The following POLE variants were observed in gnomAD, a reference collection of about 807,000 sequenced individuals.
The protein encoded by POLE is DNA polymerase epsilon, catalytic subunit, also known as DNA polymerase epsilon catalytic subunit A.
A neutral mutation model predicts 279.2 loss-of-function variants in POLE; 188 were observed. The observed-to-expected ratio is 0.67, with a 90% CI of 0.60 to 0.76. The LOEUF is 0.76. Ranked by LOEUF, POLE falls within the 30% of genes least tolerant of loss-of-function variation. POLE has a pLI of 0.00. For missense variants in POLE, 2,703 were observed against 3,016.7 expected (o/e 0.90, Z 2.44); for synonymous variants, 1,214 against 1,172.5 (o/e 1.04, Z -0.72).
Position 132,659,253 on chromosome 12 carries a change from T to C in POLE, c.3275+42A>G, listed in dbSNP as rs370319609. The C allele has an allele frequency of 4.1e-4, 657 of 1,585,872 alleles. No homozygotes were observed. Among genetic ancestry groups the C allele is most frequent in the Non-Finnish European group, 5.2e-4 (599 of 1,160,234 alleles). Reference sequence around the variant, plus strand: ...GGAGGGAGCCCTCACCTGTCCGTGATGGGAGGAGCCCTCACCTCTCCGTGA... The same window carrying C: ...GGAGGGAGCCCTCACCTGTCCGTGACGGGAGGAGCCCTCACCTCTCCGTGA... On this transcript the variant is annotated intron_variant, in intron 26 of 48. Coordinates refer to ENST00000320574, the MANE Select transcript of POLE (RefSeq NM_006231.4).
chr12:132,641,138 C>T (rs954817465), intron 39 of POLE: 16 of 447,678 alleles, frequency 3.6e-5, no homozygotes, highest in East Asian at 2.8e-4. Context: ...AGGCAGAATG[C>T]GAAGTGCTCG....
chr12:132,646,757 G>A (rs1265160202), intron 32 of POLE, among the ~76,000 whole-genome samples: 1 of 152,052 alleles, frequency 6.6e-6, no homozygotes, highest in East Asian at 1.9e-4. Flanking sequence ...TCTTGAACCC[G>A]GGAGGCGGAG....
Position 132,624,823 on chromosome 12 carries a change from A to G in POLE, c.6748-13T>C, listed in dbSNP as rs1382948992. 1.9e-6 allele frequency: 3 copies of G among 1,602,132 alleles called. No homozygotes were observed. The highest frequency in any genetic ancestry group is 2.6e-6 in the Non-Finnish European group (3 of 1,169,046). On this transcript the variant is annotated splice_polypyrimidine_tract_variant and intron_variant, in intron 48 of 48. Transcript: ENST00000320574. ...GTTCCATGAAGACCTGCAGGAATAA[A>G]CAGGCACAGTGAGACCCCAGTCCAC...
At chr12:132,625,067 C>A in intron 47 of POLE, 73 bp from the exon 48 acceptor site, 2 of 1,115,190 alleles carry the variant, frequency 1.8e-6, no homozygotes, top group Admixed American at 3.7e-5. Context: ...TCTTCACAGG[C>A]TCGCGAGACA....
chr12:132,641,236 G>A (rs570596396), intron 39 of POLE: 154 of 374,256 alleles, frequency 4.1e-4, no homozygotes, highest in African/African-American at 3.1e-3. Context: ...CATGCTCTCC[G>A]CAGACTGATG....
In POLE at chr12:132,673,333, G is replaced by A. The variant is rs2042974331; in HGVS notation, c.1360-56C>T. 3.8e-6 allele frequency: 5 copies of A among 1,309,374 alleles called. 1 individual carries two copies. The South Asian group carries it at 4.7e-5, about 12-fold the overall frequency. 81.1% of individuals were successfully genotyped at this position (1,309,374 alleles called of 1,614,324 possible). ...TCAAAAATCAAGAGCCCAGGGTCAA[G>A]TGTGAAGCACAGAAAGCAAAGCCTG... On this transcript the variant is annotated intron_variant, in intron 13 of 48. Transcript: ENST00000320574.
intron 40 of POLE, 171 bp downstream of exon 40, chr12:132,638,954 G>A (rs2042086293): frequency 3.2e-6 from 2 of 627,952 alleles, no homozygotes; most frequent in South Asian, 3.9e-5. Flanking sequence ...AGGCGACGCT[G>A]CAGCAGCAGC....
intron 1 of POLE, among the ~76,000 whole-genome samples, chr12:132,684,995 G>A (rs2043229645): frequency 1.5e-5 from 1 of 68,722 alleles, no homozygotes; most frequent in African/African-American, 4.8e-5. Context: ...CTCCACACAG[G>A]CTCTCATTCA....
chr12:132,674,789 C>G (rs2043005626), intron 12 of POLE, among the ~76,000 whole-genome samples: 1 of 152,168 alleles, frequency 6.6e-6, no homozygotes. Flanking sequence ...GTGCAGAATA[C>G]AGAGGCCGTG....
At chr12:132,676,847 T>C (rs557144487) in intron 8 of POLE, among the ~76,000 whole-genome samples, 194 bp from the exon 9 acceptor site, 38 of 152,022 alleles carry the variant, frequency 2.5e-4, no homozygotes, top group Admixed American at 3.9e-4. Context: ...AAAACTGACA[T>C]ACCTAAGAGA....
At chr12:132,628,773 C>CA (rs1472628171) in intron 45 of POLE, among the ~76,000 whole-genome samples, 2 of 152,250 alleles carry the variant, frequency 1.3e-5, no homozygotes, top group African/African-American at 4.8e-5. Context: ...GTCACATCTT[C>CA]AGGCTCCACT....
At chr12:132,666,916 G>A (rs2042809326) in intron 20 of POLE, among the ~76,000 whole-genome samples, 1 of 152,190 alleles carries the variant, frequency 6.6e-6, no homozygotes, top group South Asian at 2.1e-4. Flanking sequence ...GAGTTCAGCA[G>A]GGCAGTGCAG....
rs5745021 is a variant in POLE, at chr12:132,632,681, G to A, written c.6119C>T (p.Ala2040Val). Residue 2040 changes from alanine to valine, a missense_variant, in exon 44 of 49, where the codon GCG becomes GTG. Around this residue, in one of 5 missense-constraint regions of POLE, gnomAD observed 1,551 missense variants for 1,686.1 expected, o/e 0.92. Transcript: ENST00000320574. ...ASQLSQEAEG[A>V]VGALPGMITF... ...CTGCTCACCGGGAAGGGCTCCGACC[G>A]CCCCCTCGGCCTCCTGGGAGAGCTG... is the stretch of plus-strand genomic sequence containing the variant. 32 of 1,613,900 alleles carry A rather than the reference G, an allele frequency of 2.0e-5. No homozygotes were observed. Among genetic ancestry groups the A allele is most frequent in the African/African-American group, 4.0e-5 (3 of 75,008 alleles).
Position 132,673,412 on chromosome 12 carries a change from G to T in POLE, c.1360-135C>A, listed in dbSNP as rs1429503295. 5.0e-6 allele frequency: 6 copies of T among 1,193,458 alleles called. No individual in the cohort carries two copies. The Admixed American group carries it at 8.8e-5, about 18-fold the overall frequency. The allele number at this position is 1,193,458 out of a possible 1,614,324, so 73.9% of individuals were successfully genotyped here. ...AGGAGACCGGCACAGGACAAAACAC[G>T]TGTGTCCCGGAGACACAGCCTGCTG... On this transcript the variant is annotated intron_variant, in intron 13 of 48. Transcript: ENST00000320574.
chr12:132,637,667 C>G (rs772035510), intron 41 of POLE, among the ~76,000 whole-genome samples: 1 of 152,218 alleles, frequency 6.6e-6, no homozygotes, highest in Non-Finnish European at 1.5e-5. Context: ...AGGCTTACAA[C>G]GTCAACACTT....
intron 45 of POLE, 63 bp from the exon 46 acceptor site, chr12:132,626,380 A>T: frequency 2.7e-6 from 4 of 1,491,664 alleles, no homozygotes; most frequent in Non-Finnish European, 3.7e-6. Flanking sequence ...CTCTGTCTGG[A>T]CCAGAACCCT....
chr12:132,649,125 GACGGGGCC>G (rs2042356290), intron 31 of POLE, 53 bp from the exon 32 acceptor site: 1 of 1,581,578 alleles, frequency 6.3e-7, no homozygotes, highest in Admixed American at 1.7e-5. Flanking sequence ...GGAACCCACA[GACGGGGCC>G]ACCTTCCAGG....
chr12:132,682,302 A>AAAAT (rs2043185629), intron 1 of POLE, among the ~76,000 whole-genome samples: 2 of 98,852 alleles, frequency 2.0e-5, no homozygotes, highest in African/African-American at 6.9e-5. Context: ...AAAAAAAAAA[A>AAAAT]AATAAATAAA....
In POLE at chr12:132,676,609, G is replaced by A. The variant is rs5744758; in HGVS notation, c.846C>T (p.Pro282=). Residue 282 remains proline, a synonymous_variant, in exon 9 of 49, where the codon CCC becomes CCT. Coordinates refer to ENST00000320574, the MANE Select transcript of POLE (RefSeq NM_006231.4). ...LAFDIETTKL[P]LKFPDAETDQ... is the part of the protein sequence containing the mutation. ...CTGTCTCAGCATCAGGAAACTTGAG[G>A]GGCAGTTTGGTCGTCTCAATGTCAA... 835 of 1,613,934 alleles carry A rather than the reference G, an allele frequency of 5.2e-4. 5 individuals are homozygous for A. In the African/African-American group the frequency reaches 0.01, roughly 19 times the overall value.
Sources: gnomAD v4.1 joint callset for allele counts (sites outside exome capture counted in the v4.1 genomes callset) on GRCh38, gnomAD v4.1.1 for gene constraint, gnomAD v4.1.1 regional missense constraint, MANE v1.5 for transcripts, NCBI Gene and HGNC (gene_info 2026-07-23, HGNC 2026-07-21) for gene names.